Variants in SLIT2 observed in about 807,000 individuals in gnomAD.
The protein encoded by SLIT2 is slit homolog 2 protein.
A neutral mutation model predicts 185.7 loss-of-function variants in SLIT2; 41 were observed. That is an observed-to-expected ratio of 0.22 (90% confidence interval 0.17 to 0.29). SLIT2 has a LOEUF of 0.29. Ranked by LOEUF, SLIT2 falls within the 10% of genes least tolerant of loss-of-function variation. The pLI is 1.00. For missense variants in SLIT2, 1,571 were observed against 1,909.0 expected (o/e 0.82, Z 3.30); for synonymous variants, 693 against 680.2 (o/e 1.02, Z -0.29).
chr4:20,477,012 C>T (rs1010227568), intron 5 of SLIT2, among the ~76,000 whole-genome samples: 17 of 152,046 alleles, frequency 1.1e-4, no homozygotes, highest in African/African-American at 2.9e-4. Flanking sequence ...ACTTTTTGCA[C>T]GTGAGGCATA....
At chr4:20,533,862 C>A (rs981305878) in intron 18 of SLIT2, 147 bp downstream of exon 18, 1 of 671,200 alleles carries the variant, frequency 1.5e-6, no homozygotes, top group Non-Finnish European at 2.6e-6. Context: ...ACATACACAC[C>A]GCTACACACA....
At chr4:20,431,379 GTTTTATTTTTAT>G (rs979710127) in intron 4 of SLIT2, among the ~76,000 whole-genome samples, 1 of 152,026 alleles carries the variant, frequency 6.6e-6, no homozygotes, top group African/African-American at 2.4e-5. Context: ...AAATATTTGT[GTTTTATTTTTAT>G]TTTTATTTTT....
chr4:20,456,075 A>G (rs1370965777), intron 4 of SLIT2, among the ~76,000 whole-genome samples: 1 of 152,102 alleles, frequency 6.6e-6, no homozygotes, highest in Admixed American at 6.5e-5. Flanking sequence ...ACCTGGGTTC[A>G]GGGGACAGAA....
chr4:20,564,834 A>C (rs547323262), intron 26 of SLIT2, among the ~76,000 whole-genome samples: 3 of 151,834 alleles, frequency 2.0e-5, no homozygotes, highest in Admixed American at 6.6e-5. Flanking sequence ...ACAATCTCCC[A>C]TAACAAATTC....
intron 29 of SLIT2, among the ~76,000 whole-genome samples, chr4:20,580,540 A>C (rs907455690): frequency 6.6e-6 from 1 of 152,052 alleles, no homozygotes; most frequent in Non-Finnish European, 1.5e-5. Context: ...TCTCTTCTTC[A>C]AGACACAGTA....
In SLIT2 at chr4:20,588,304, A is replaced by G. The variant is rs188274393; in HGVS notation, c.3089-1340A>G. Among the ~76,000 whole-genome samples, 6 of 152,358 alleles carry G rather than the reference A, an allele frequency of 3.9e-5. No individual in the cohort carries two copies. The East Asian group carries it at 1.2e-3, about 29-fold the overall frequency. ...TAATAACTAGATGAATACATTTATT[A>G]ATTTGCATCACGGGAAAAGACTCTT... is the stretch of plus-strand genomic sequence containing the variant. On this transcript the variant is annotated intron_variant, in intron 29 of 36. Coordinates refer to ENST00000504154, the MANE Select transcript of SLIT2 (RefSeq NM_004787.4).
chr4:20,309,337 T>C (rs1180672209), intron 4 of SLIT2, among the ~76,000 whole-genome samples: 1 of 152,128 alleles, frequency 6.6e-6, no homozygotes, highest in African/African-American at 2.4e-5. Context: ...TTTTTACTTT[T>C]AGTTTTAGAA....
chr4:20,445,999 T>C (rs1711753944), intron 4 of SLIT2, among the ~76,000 whole-genome samples: 1 of 152,188 alleles, frequency 6.6e-6, no homozygotes, highest in African/African-American at 2.4e-5. Context: ...CACTGTTCAT[T>C]TCCTCTTGTT....
At position 20,262,495 on chromosome 4, in the gene SLIT2, A is replaced by G. The variant is rs150040654; in HGVS notation, c.323+4556A>G. 1.1e-4 allele frequency among the ~76,000 whole-genome samples: 16 copies of G among 152,014 alleles called. No individual in the cohort carries two copies. In the South Asian group the frequency reaches 2.5e-3, roughly 24 times the overall value. On this transcript the variant is annotated intron_variant, in intron 3 of 36. Transcript: ENST00000504154. ...GACAAGTTTATAGGCAACACATAACACATACCTTTTCTTAACAGAATGACA... is the reference window on the plus strand; with the variant it reads ...GACAAGTTTATAGGCAACACATAACGCATACCTTTTCTTAACAGAATGACA...
intron 4 of SLIT2, among the ~76,000 whole-genome samples, chr4:20,277,748 G>T (rs1714311185): frequency 6.8e-6 from 1 of 146,486 alleles, no homozygotes; most frequent in Non-Finnish European, 1.5e-5. Flanking sequence ...TCATGATGTA[G>T]CTATATCCAA....
intron 4 of SLIT2, among the ~76,000 whole-genome samples, chr4:20,363,716 G>C (rs112870587): frequency 6.6e-6 from 1 of 152,016 alleles, no homozygotes; most frequent in Non-Finnish European, 1.5e-5. Flanking sequence ...TGGGAATCAA[G>C]GTTATGAATA....
intron 29 of SLIT2, among the ~76,000 whole-genome samples, chr4:20,571,367 G>T (rs751204216): frequency 1.3e-5 from 2 of 152,184 alleles, no homozygotes; most frequent in Non-Finnish European, 2.9e-5. Context: ...AATGGGTCTT[G>T]TGGGCCATGA....
chr4:20,384,292 G>A (rs539959909), intron 4 of SLIT2, among the ~76,000 whole-genome samples: 2 of 152,162 alleles, frequency 1.3e-5, no homozygotes, highest in African/African-American at 4.8e-5. Flanking sequence ...ATCCCAGGTT[G>A]CATTTTCATG....
At chr4:20,406,156 T>A (rs1395958369) in intron 4 of SLIT2, among the ~76,000 whole-genome samples, 2 of 144,200 alleles carry the variant, frequency 1.4e-5, no homozygotes, top group African/African-American at 4.9e-5. Flanking sequence ...ACAAAAAAAT[T>A]AATTACATGT....
At chr4:20,588,117 C>T (rs1727215430) in intron 29 of SLIT2, among the ~76,000 whole-genome samples, 1 of 152,140 alleles carries the variant, frequency 6.6e-6, no homozygotes, top group African/African-American at 2.4e-5. Context: ...TTTGAAATCA[C>T]AAGCCTTTAA....
At chr4:20,535,328 A>T (rs1363519901) in intron 18 of SLIT2, among the ~76,000 whole-genome samples, 1 of 151,890 alleles carries the variant, frequency 6.6e-6, no homozygotes, top group Non-Finnish European at 1.5e-5. Context: ...AAAGATACTG[A>T]GGAATGTGTA....
intron 4 of SLIT2, among the ~76,000 whole-genome samples, chr4:20,455,401 C>T (rs556828651): frequency 6.6e-6 from 1 of 152,050 alleles, no homozygotes; most frequent in Non-Finnish European, 1.5e-5. Context: ...TAGCCATGCT[C>T]TAATAAATGG....
chr4:20,436,947 G>A (rs1364585883), intron 4 of SLIT2, among the ~76,000 whole-genome samples: 1 of 152,190 alleles, frequency 6.6e-6, no homozygotes, highest in African/African-American at 2.4e-5. Flanking sequence ...AATGGAAAAT[G>A]CAAACTATTC....
At chr4:20,362,828 T>C (rs1280190731) in intron 4 of SLIT2, among the ~76,000 whole-genome samples, 1 of 152,048 alleles carries the variant, frequency 6.6e-6, no homozygotes, top group Non-Finnish European at 1.5e-5. Flanking sequence ...GAATATATTT[T>C]AGCCTAATAC....
Sources: gnomAD v4.1 joint callset for allele counts (sites outside exome capture counted in the v4.1 genomes callset) on GRCh38, gnomAD v4.1.1 for gene constraint, MANE v1.5 for transcripts, NCBI Gene and HGNC (gene_info 2026-07-23, HGNC 2026-07-21) for gene names.